ROR1: variants seen among roughly 807,000 people sequenced by gnomAD.
ROR1 encodes the protein ROR family WNT receptor 1.
ROR1 carries 19 observed loss-of-function variants against 78.8 expected under a neutral mutation model. That is an observed-to-expected ratio of 0.24 (90% CI 0.17 to 0.35). ROR1 has a LOEUF of 0.35. Ranked by LOEUF, ROR1 falls within the 10% of genes least tolerant of loss-of-function variation. The pLI is 1.00. For synonymous variants in ROR1, 386 were observed against 433.6 expected (o/e 0.89, Z 1.36); for missense variants, 917 against 1,177.8 (o/e 0.78, Z 3.24).
At position 63,959,528 on chromosome 1, in the gene ROR1, T is replaced by C. The variant is rs182410506; in HGVS notation, c.92-49777T>C. Among the ~76,000 whole-genome samples, 1,011 of 152,300 alleles carry C rather than the reference T, an allele frequency of 6.6e-3. 6 individuals carry two copies. The highest frequency in any genetic ancestry group is 8.7e-3 in the Non-Finnish European group (593 of 68,014). ...CTCCCCCATCGTCTGGGTTTCTTCCTCCTTCCTTCTAAGGATCTTGCCTCC... is the reference window on the plus strand; with the variant it reads ...CTCCCCCATCGTCTGGGTTTCTTCCCCCTTCCTTCTAAGGATCTTGCCTCC... On this transcript the variant is annotated intron_variant, in intron 1 of 8. Transcript: ENST00000371079.
chr1:64,002,903 A>G (rs1340941529), intron 1 of ROR1, among the ~76,000 whole-genome samples: 1 of 152,156 alleles, frequency 6.6e-6, no homozygotes, highest in Non-Finnish European at 1.5e-5. Context: ...AGGGGGTTTA[A>G]GCCAGGGAGC....
chr1:64,079,554 C>T (rs1209805341), intron 4 of ROR1, among the ~76,000 whole-genome samples: 1 of 151,476 alleles, frequency 6.6e-6, no homozygotes, highest in East Asian at 1.9e-4. Context: ...TCACTGCAAC[C>T]TCCACCTCCC....
intron 1 of ROR1, among the ~76,000 whole-genome samples, chr1:63,855,199 G>A (rs1645140732): frequency 6.6e-6 from 1 of 152,062 alleles, no homozygotes; most frequent in African/African-American, 2.4e-5. Context: ...GAAGTAATCT[G>A]TTCCTCTCCT....
intron 2 of ROR1, among the ~76,000 whole-genome samples, chr1:64,039,664 C>G (rs115579664): frequency 6.6e-6 from 1 of 152,142 alleles, no homozygotes; most frequent in Non-Finnish European, 1.5e-5. Flanking sequence ...GATCATGTGT[C>G]GTGTTGATGC....
chr1:64,088,616 TAATA>T (rs1264331598), intron 4 of ROR1, among the ~76,000 whole-genome samples: 11 of 151,908 alleles, frequency 7.2e-5, no homozygotes, highest in Non-Finnish European at 1.3e-4. Flanking sequence ...GCTAGCGAGC[TAATA>T]AATATCCTTT....
chr1:63,788,888 C>A, intron 1 of ROR1: 1 of 885,378 alleles, frequency 1.1e-6, no homozygotes, highest in South Asian at 1.3e-5. Flanking sequence ...TGGATGTGTT[C>A]CATGAGAATC....
At chr1:63,877,507 C>G (rs1159574735) in intron 1 of ROR1, among the ~76,000 whole-genome samples, 1 of 152,060 alleles carries the variant, frequency 6.6e-6, no homozygotes, top group Non-Finnish European at 1.5e-5. Flanking sequence ...ACTTTTTACT[C>G]TTCATTTGTA....
intron 4 of ROR1, among the ~76,000 whole-genome samples, chr1:64,051,464 AAATAAAATAAAATAAAAT>A (rs1557627945): frequency 2.8e-5 from 4 of 145,164 alleles, no homozygotes; most frequent in Non-Finnish European, 4.5e-5. Context: ...ATAAAAAATA[AAATAAAATAAAATAAAAT>A]AAAATAAAAT....
In ROR1 at chr1:64,180,547, A is replaced by G. The variant is rs1049170303; in HGVS notation, c.*1692A>G. 6.6e-6 allele frequency: 1 copy of G among 152,218 alleles called. No homozygotes were observed. Among genetic ancestry groups the G allele is most frequent in the Admixed American group, 6.5e-5 (1 of 15,286 alleles). 9.4% of individuals were successfully genotyped at this position (152,218 alleles called of 1,614,324 possible). ...CATGAACTTATAGGTACTGTGAACT[A>G]GAAGAATTGGTTATATCCAGATTTC... is the stretch of plus-strand genomic sequence containing the variant. On this transcript the variant is annotated 3_prime_UTR_variant, in exon 9 of 9. Transcript: ENST00000371079.
At chr1:63,929,624 A>G (rs1645734888) in intron 1 of ROR1, among the ~76,000 whole-genome samples, 1 of 152,180 alleles carries the variant, frequency 6.6e-6, no homozygotes, top group South Asian at 2.1e-4. Flanking sequence ...GTGTATGCTT[A>G]TTGGTCAAAA....
intron 1 of ROR1, among the ~76,000 whole-genome samples, chr1:63,928,954 T>C (rs1645730175): frequency 6.6e-6 from 1 of 152,026 alleles, no homozygotes; most frequent in Non-Finnish European, 1.5e-5. Flanking sequence ...CCGAAGCTCA[T>C]AAAAGTCAGA....
At chr1:63,813,959 C>T (rs1644875002) in intron 1 of ROR1, among the ~76,000 whole-genome samples, 2 of 152,168 alleles carry the variant, frequency 1.3e-5, no homozygotes, top group South Asian at 4.1e-4. Flanking sequence ...GAATTTTTTC[C>T]CCTATCTGCT....
intron 1 of ROR1, among the ~76,000 whole-genome samples, chr1:63,846,226 C>T (rs1295210299): frequency 6.6e-6 from 1 of 150,886 alleles, no homozygotes; most frequent in African/African-American, 2.4e-5. Flanking sequence ...GAGGAGGTGG[C>T]CTACCCCTCA....
At chr1:63,818,985 A>G (rs1644908789) in intron 1 of ROR1, among the ~76,000 whole-genome samples, 1 of 152,118 alleles carries the variant, frequency 6.6e-6, no homozygotes, top group Admixed American at 6.5e-5. Context: ...CTAGAAGGTT[A>G]CTACTAATAA....
intron 1 of ROR1, among the ~76,000 whole-genome samples, chr1:63,918,061 T>G (rs1645622493): frequency 6.6e-6 from 1 of 152,216 alleles, no homozygotes; most frequent in Non-Finnish European, 1.5e-5. Flanking sequence ...CAGACTCTTG[T>G]CTAGTGCCCC....
At chr1:64,018,923 T>C (rs919348240) in intron 2 of ROR1, among the ~76,000 whole-genome samples, 13 of 152,148 alleles carry the variant, frequency 8.5e-5, no homozygotes, top group African/African-American at 3.1e-4. Flanking sequence ...TCCCCTCCAT[T>C]GTTACCATCT....
At chr1:64,084,939 A>G (rs1647139078) in intron 4 of ROR1, among the ~76,000 whole-genome samples, 1 of 152,210 alleles carries the variant, frequency 6.6e-6, no homozygotes, top group Non-Finnish European at 1.5e-5. Flanking sequence ...GAAGAGATTT[A>G]TAATACTTTC....
intron 4 of ROR1, chr1:64,110,790 G>A (rs1648060755): frequency 6.6e-6 from 1 of 152,032 alleles, no homozygotes; most frequent in South Asian, 2.1e-4. Context: ...TGGTGCTGGA[G>A]GGGCTGAGAG....
chr1:63,884,855 G>A (rs1023600138), intron 1 of ROR1, among the ~76,000 whole-genome samples: 2 of 151,578 alleles, frequency 1.3e-5, no homozygotes, highest in African/African-American at 4.8e-5. Flanking sequence ...TTTTTTTGAG[G>A]AGAGTCAGAA....
Sources: allele counts gnomAD v4.1 joint callset (sites outside exome capture counted in the v4.1 genomes callset), GRCh38; gene constraint gnomAD v4.1.1; transcripts MANE v1.5; gene names NCBI Gene and HGNC (gene_info 2026-07-23, HGNC 2026-07-21).